SYN1: variants seen among roughly 807,000 people sequenced by gnomAD.
SYN1 encodes synapsin I.
Under a neutral mutation model 44.6 loss-of-function variants are expected in SYN1, and 8 were observed. That is an observed-to-expected ratio of 0.18 (90% confidence interval 0.11 to 0.32). SYN1 has a LOEUF of 0.32. Ranked by LOEUF, SYN1 falls within the 10% of genes least tolerant of loss-of-function variation. The probability of loss-of-function intolerance (pLI) is 1.00; values close to 1 mark genes in which losing one functional copy is unlikely to be tolerated. For synonymous variants in SYN1, 275 were observed against 280.1 expected, an observed-to-expected ratio of 0.98 and a Z score of 0.18; for missense variants, 451 against 639.4, an observed-to-expected ratio of 0.71 and a Z score of 3.18.
intron 5 of SYN1, among the ~76,000 whole-genome samples, chrX:47,584,403 C>G (rs1476556525): frequency 2.7e-5 from 3 of 111,136 alleles, no homozygotes; most frequent in Non-Finnish European, 3.8e-5. Context: ...TAGCAAGGCT[C>G]TCGGCTAAAA....
intron 5 of SYN1, among the ~76,000 whole-genome samples, chrX:47,591,530 G>T (rs2147922355): frequency 9.1e-6 from 1 of 110,258 alleles, no homozygotes; most frequent in South Asian, 3.9e-4. Flanking sequence ...AGACCAGCCT[G>T]GCCAACATGG....
At chrX:47,610,932 C>T (rs1200614357) in intron 1 of SYN1, among the ~76,000 whole-genome samples, 1 of 111,396 alleles carries the variant, frequency 9.0e-6, no homozygotes, top group African/African-American at 3.3e-5. Context: ...TAATAAGAAA[C>T]ATGCTGGTGA....
intron 5 of SYN1, chrX:47,586,123 C>CCCTGATGGCT: frequency 2.1e-6 from 2 of 940,235 alleles, no homozygotes; most frequent in Non-Finnish European, 2.7e-6. Flanking sequence ...CAAGCCTGTT[C>CCCTGATGGCT]CCTGATGGCT....
chrX:47,615,031 T>C (rs2057927465), intron 1 of SYN1, among the ~76,000 whole-genome samples: 1 of 110,844 alleles, frequency 9.0e-6, no homozygotes, highest in South Asian at 3.9e-4. Flanking sequence ...AATCTCAGAG[T>C]CTCGGGGTCT....
At chrX:47,594,937 G>A (rs2057859728) in intron 5 of SYN1, among the ~76,000 whole-genome samples, 1 of 110,935 alleles carries the variant, frequency 9.0e-6, no homozygotes, top group Non-Finnish European at 1.9e-5. Context: ...ATGTTGGTCA[G>A]GCTGGTCTAG....
rs781533684 is a variant in SYN1 at position 47,574,711 on chromosome X, G to T, written c.1370C>A (p.Ala457Asp). 7 of 1,186,644 alleles carry T rather than the reference G, an allele frequency of 5.9e-6. No individual in the cohort carries two copies. In the Admixed American group the frequency reaches 1.7e-4, roughly 29 times the overall value. The change falls in exon 11 of 13, where the codon GCT (alanine) becomes GAT (aspartate). Residue 457 changes from alanine to aspartate, a missense_variant. Coordinates refer to ENST00000295987, the MANE Select transcript of SYN1 (RefSeq NM_006950.3). ...ACCCTGTGGTGGGGGTCGCTGCTGAGCCGGGGGCCCTGCGGGCTGCTGGGA... is the reference window on the plus strand; with the variant it reads ...ACCCTGTGGTGGGGGTCGCTGCTGATCCGGGGGCCCTGCGGGCTGCTGGGA... ...QTSQQPAGPP[A>D]QQRPPPQGGP...
At chrX:47,610,339 A>G (rs1379213875) in intron 1 of SYN1, among the ~76,000 whole-genome samples, 1 of 110,185 alleles carries the variant, frequency 9.1e-6, no homozygotes, top group Non-Finnish European at 1.9e-5. Context: ...ACCTGCATCC[A>G]CTGGGCCTGC....
chrX:47,602,190 G>C (rs148499595), intron 5 of SYN1, among the ~76,000 whole-genome samples: 255 of 112,160 alleles, frequency 2.3e-3, no homozygotes, highest in African/African-American at 7.8e-3. Flanking sequence ...TGAATAAACT[G>C]AGGTACAGGG....
intron 3 of SYN1, among the ~76,000 whole-genome samples, chrX:47,606,296 T>C (rs746525726): frequency 5.3e-3 from 248 of 46,965 alleles, no homozygotes; most frequent in African/African-American, 0.016. Flanking sequence ...GTTCTTTTTC[T>C]TTTTTTTTTT....
intron 5 of SYN1, among the ~76,000 whole-genome samples, chrX:47,587,258 G>A (rs113198666): frequency 3.2e-3 from 365 of 112,353 alleles, no homozygotes; most frequent in African/African-American, 0.011. Context: ...AAACACGTGG[G>A]TGTTACTGTC....
Position 47,605,321 on chromosome X carries a change from C to T in SYN1, c.586G>A (p.Gly196Arg), listed in dbSNP as rs1207640513. ...CCAATGACCAAACTGCGGTAGTCTC[C>T]GTTGCGTGCCATGCTGAAGGCGTGC... ...RQHAFSMARNGDYRSLVIGLQ... is the reference protein window; with the variant it reads ...RQHAFSMARNRDYRSLVIGLQ... Residue 196 changes from glycine (G) to arginine (R), a missense_variant, in exon 4 of 13, where the codon GGA becomes AGA. Gly to Arg is a moderately radical substitution (Grantham distance 125, BLOSUM62 -2). Around this residue, in one of 3 missense-constraint regions of SYN1, gnomAD observed 315 missense variants for 451.4 expected, o/e 0.70. Coordinates refer to ENST00000295987, the MANE Select transcript of SYN1 (RefSeq NM_006950.3). The T allele has an allele frequency of 1.7e-6, 2 of 1,211,076 alleles. No homozygotes were observed.
chrX:47,619,845 C>A lies in SYN1; in HGVS notation c.-117G>T. 1 of 817,730 alleles carries A rather than the reference C, an allele frequency of 1.2e-6. No individual in the cohort carries two copies. Among genetic ancestry groups the A allele is most frequent in the Non-Finnish European group, 1.7e-6 (1 of 594,003 alleles). 67.4% of individuals were successfully genotyped at this position (817,730 alleles called of 1,213,427 possible). A position where few individuals can be genotyped will look rare whatever the true frequency, so the allele number is the denominator to read the frequency against. The stretch of plus-strand genomic sequence containing the variant: ...CAGGCACGACACGACTCCTCCGCTG[C>A]CCACCGCAGACTGAGGCAGCGCTGA... On this transcript the variant is annotated 5_prime_UTR_variant, in exon 1 of 13. Transcript: ENST00000295987.
intron 1 of SYN1, among the ~76,000 whole-genome samples, chrX:47,611,016 C>T (rs2057915079): frequency 9.0e-6 from 1 of 111,230 alleles, no homozygotes; most frequent in South Asian, 3.8e-4. Context: ...GTCCTGCTTA[C>T]AGTGGGTCTG....
chrX:47,615,482 T>C (rs1397135656), intron 1 of SYN1, among the ~76,000 whole-genome samples: 1 of 112,365 alleles, frequency 8.9e-6, no homozygotes, highest in Admixed American at 9.5e-5. Context: ...TGGAATAACA[T>C]TATATGTTTT....
intron 1 of SYN1, among the ~76,000 whole-genome samples, chrX:47,614,676 C>T (rs887010988): frequency 3.6e-5 from 4 of 111,874 alleles, no homozygotes; most frequent in Non-Finnish European, 7.5e-5. Flanking sequence ...CAGACCTTTG[C>T]ATCTATCCTC....
chrX:47,609,503 T>C (rs779469020), intron 1 of SYN1, among the ~76,000 whole-genome samples: 21 of 112,322 alleles, frequency 1.9e-4, no homozygotes, highest in African/African-American at 6.5e-4. Context: ...CTCACAAGTG[T>C]TGATCCCAAT....
intron 5 of SYN1, chrX:47,586,160 A>G (rs920254753): frequency 2.1e-6 from 2 of 941,001 alleles, no homozygotes; most frequent in Admixed American, 5.0e-5. Flanking sequence ...CCCAGTGACT[A>G]TCTTGAAGCC....
chrX:47,614,170 C>A (rs2057924750), intron 1 of SYN1, among the ~76,000 whole-genome samples: 1 of 111,949 alleles, frequency 8.9e-6, no homozygotes, highest in Non-Finnish European at 1.9e-5. Context: ...GGGGACGTGA[C>A]CAACCTTGCT....
chrX:47,604,624 A>G, intron 5 of SYN1: 2 of 218,770 alleles, frequency 9.1e-6, no homozygotes, highest in Admixed American at 6.4e-5. Context: ...TAAAATTTCT[A>G]TCAGAAGGAA....
Sources: gnomAD v4.1 joint callset for allele counts (sites outside exome capture counted in the v4.1 genomes callset) on GRCh38, gnomAD v4.1.1 for gene constraint, gnomAD v4.1.1 regional missense constraint, MANE v1.5 for transcripts, NCBI Gene and HGNC (gene_info 2026-07-23, HGNC 2026-07-21) for gene names.